Variants in ESYT2 observed in about 807,000 individuals in gnomAD.
ESYT2 encodes extended synaptotagmin 2, also known as extended synaptotagmin-2.
Under a neutral mutation model 107.2 loss-of-function variants are expected in ESYT2, and 54 were observed. That is an observed-to-expected ratio of 0.50 (90% CI 0.40 to 0.63). The LOEUF is 0.63. Among genes scored for constraint, ESYT2 ranks in the 30% least tolerant of loss-of-function variants. The pLI is 0.00. For synonymous variants in ESYT2, 491 were observed against 434.1 expected, an observed-to-expected ratio of 1.13 and a Z score of -1.63; for missense variants, 1,020 against 1,094.5, an observed-to-expected ratio of 0.93 and a Z score of 0.96.
intron 21 of ESYT2, among the ~76,000 whole-genome samples, chr7:158,734,938 T>C (rs565359396): frequency 6.6e-6 from 1 of 152,326 alleles, no homozygotes; most frequent in Admixed American, 6.5e-5. Flanking sequence ...TCTACCCCCC[T>C]GAGCACCTGT....
intron 1 of ESYT2, among the ~76,000 whole-genome samples, chr7:158,806,601 T>C (rs1409433896): frequency 1.3e-5 from 2 of 152,228 alleles, no homozygotes; most frequent in African/African-American, 4.8e-5. Flanking sequence ...CTTATTTACA[T>C]ATAAACACGT....
chr7:158,826,375 G>A (rs1840445024), intron 1 of ESYT2, among the ~76,000 whole-genome samples: 1 of 152,152 alleles, frequency 6.6e-6, no homozygotes, highest in Non-Finnish European at 1.5e-5. Flanking sequence ...GGGATTATGA[G>A]CTCAAGTACA....
In ESYT2 at chr7:158,750,104, G is replaced by A. The variant is rs111384520; in HGVS notation, c.1483-381C>T. 4.8e-3 allele frequency among the ~76,000 whole-genome samples: 726 copies of A among 152,196 alleles called. 11 individuals carry two copies. The highest frequency in any genetic ancestry group is 0.016 in the African/African-American group (655 of 41,532). On this transcript the variant is annotated intron_variant, in intron 14 of 22. Transcript: ENST00000275418. ...CATTAAAAGACAAATGTAAAAGAACGTAAAATTCAGAATATTTCTCTGGCG... is the reference window on the plus strand; with the variant it reads ...CATTAAAAGACAAATGTAAAAGAACATAAAATTCAGAATATTTCTCTGGCG...
intron 13 of ESYT2, among the ~76,000 whole-genome samples, chr7:158,754,673 A>C (rs368068259): frequency 5.3e-5 from 8 of 152,320 alleles, no homozygotes; most frequent in East Asian, 3.9e-4. Context: ...CAGACTGATG[A>C]ATCTATAAAC....
In ESYT2 at chr7:158,755,310, G is replaced by A. The variant is rs548156759; in HGVS notation, c.1420-2467C>T. Among the ~76,000 whole-genome samples the A allele has an allele frequency of 2.2e-4, 34 of 152,328 alleles. 1 individual carries two copies. In the South Asian group the frequency reaches 5.8e-3, roughly 26 times the overall value. On this transcript the variant is annotated intron_variant, in intron 13 of 22. Coordinates refer to ENST00000275418, the MANE Select transcript of ESYT2 (RefSeq NM_001367773.1). ...CTGGCTTCACGTTGAAAACCAATGG[G>A]TGGGGGAAAAGTTCACATTTGTTTT...
rs530336574 is a variant in ESYT2, at chr7:158,734,489, A to G, written c.2506-18T>C. 6.2e-7 allele frequency: 1 copy of G among 1,611,348 alleles called. No individual in the cohort carries two copies. Among genetic ancestry groups the G allele is most frequent in the South Asian group, 1.1e-5 (1 of 90,634 alleles). On this transcript the variant is annotated intron_variant, in intron 21 of 22. Coordinates refer to ENST00000275418, the MANE Select transcript of ESYT2 (RefSeq NM_001367773.1). ...ACCAATACCTGTGGGTTGTTAAAAA[A>G]GCAGTTAAAGTAGGCTGGGCTGGGG...
intron 7 of ESYT2, among the ~76,000 whole-genome samples, chr7:158,770,402 T>G (rs571817965): frequency 6.6e-6 from 1 of 151,656 alleles, no homozygotes; most frequent in South Asian, 2.1e-4. Flanking sequence ...AGAAAAGATA[T>G]TTTTACATTT....
At chr7:158,764,464 G>A (rs748453318) in intron 9 of ESYT2, among the ~76,000 whole-genome samples, 1 of 152,182 alleles carries the variant, frequency 6.6e-6, no homozygotes, top group South Asian at 2.1e-4. Context: ...ATGTAATTAA[G>A]GTTTAAAACA....
rs1456582666 is a variant in ESYT2, at chr7:158,732,298, G to A, written c.*1909C>T. The A allele has an allele frequency of 6.6e-6, 1 of 152,116 alleles. No homozygotes were observed. Among genetic ancestry groups the A allele is most frequent in the African/African-American group, 2.4e-5 (1 of 41,404 alleles). The allele number at this position is 152,116 out of a possible 1,614,324, so 9.4% of individuals were successfully genotyped here. On this transcript the variant is annotated 3_prime_UTR_variant, in exon 23 of 23. Transcript: ENST00000275418. ...TCAACAAATCTAATACTAAGGGAAAGCAACTAGATTTAATGTTGTTACCTG... is the reference window on the plus strand; with the variant it reads ...TCAACAAATCTAATACTAAGGGAAAACAACTAGATTTAATGTTGTTACCTG...
intron 19 of ESYT2, among the ~76,000 whole-genome samples, chr7:158,738,520 T>A (rs975780253): frequency 6.6e-6 from 1 of 152,116 alleles, no homozygotes; most frequent in African/African-American, 2.4e-5. Context: ...AATGGCACGA[T>A]CTTGGCTCAC....
At chr7:158,782,363 A>G (rs1838903654) in intron 6 of ESYT2, among the ~76,000 whole-genome samples, 1 of 140,106 alleles carries the variant, frequency 7.1e-6, no homozygotes, top group Non-Finnish European at 1.5e-5. Context: ...AACGTGAGTG[A>G]ACGAGTGTGA....
chr7:158,759,431 C>T, intron 13 of ESYT2, 55 bp downstream of exon 13: 1 of 1,405,758 alleles, frequency 7.1e-7, no homozygotes, highest in Non-Finnish European at 1.0e-6. Flanking sequence ...TGGTTATAAG[C>T]AAGAGCAGCT....
At chr7:158,754,337 G>A (rs1235711428) in intron 13 of ESYT2, among the ~76,000 whole-genome samples, 5 of 152,036 alleles carry the variant, frequency 3.3e-5, no homozygotes, top group Non-Finnish European at 5.9e-5. Context: ...TTCCCAAAAA[G>A]CTGGGACTAC....
At chr7:158,767,867 A>T (rs569862425) in intron 7 of ESYT2, 93 bp from the exon 8 acceptor site, 1 of 1,435,610 alleles carries the variant, frequency 7.0e-7, no homozygotes, top group African/African-American at 1.4e-5. Context: ...AATATGATGT[A>T]AGTCCCATTT....
chr7:158,808,158 C>G (rs1426860886), intron 1 of ESYT2, among the ~76,000 whole-genome samples: 2 of 152,248 alleles, frequency 1.3e-5, no homozygotes, highest in Non-Finnish European at 2.9e-5. Flanking sequence ...TACTTATCGG[C>G]AGTTCCACTG....
At chr7:158,809,486 A>C (rs1335880120) in intron 1 of ESYT2, among the ~76,000 whole-genome samples, 1 of 150,034 alleles carries the variant, frequency 6.7e-6, no homozygotes, top group East Asian at 2.0e-4. Context: ...AAAAAAAAAA[A>C]AAAAAAAAAA....
chr7:158,768,533 C>T (rs1838241241), intron 7 of ESYT2, among the ~76,000 whole-genome samples: 1 of 152,182 alleles, frequency 6.6e-6, no homozygotes, highest in Non-Finnish European at 1.5e-5. Context: ...AATTCTCCTG[C>T]CTCAGCCTCC....
intron 13 of ESYT2, among the ~76,000 whole-genome samples, chr7:158,759,054 C>G (rs1837869399): frequency 6.6e-6 from 1 of 152,242 alleles, no homozygotes; most frequent in Non-Finnish European, 1.5e-5. Context: ...ATTCTGCCAT[C>G]TGATGCCCCA....
At chr7:158,826,004 G>GT (rs1196686637) in intron 1 of ESYT2, among the ~76,000 whole-genome samples, 1 of 147,168 alleles carries the variant, frequency 6.8e-6, no homozygotes, top group East Asian at 2.1e-4. Flanking sequence ...GGACAACGCG[G>GT]TAAGAACTCA....
Sources: gnomAD v4.1 joint callset for allele counts (sites outside exome capture counted in the v4.1 genomes callset) on GRCh38, gnomAD v4.1.1 for gene constraint, MANE v1.5 for transcripts, NCBI Gene and HGNC (gene_info 2026-07-23, HGNC 2026-07-21) for gene names.